The following KALRN variants were observed in gnomAD, a reference collection of about 807,000 sequenced individuals.
KALRN encodes the protein kalirin RhoGEF kinase, also known as kalirin.
A neutral mutation model predicts 353.7 loss-of-function variants in KALRN; 70 were observed. That is an observed-to-expected ratio of 0.20 (90% CI 0.16 to 0.24). The LOEUF (loss-of-function observed/expected upper bound fraction) is 0.24. KALRN is among the 10% of genes least tolerant of loss of function. The pLI, the probability that KALRN is intolerant of heterozygous loss-of-function variation, is 1.00. For synonymous variants in KALRN, 1,391 were observed against 1,434.8 expected (o/e 0.97, Z 0.69); for missense variants, 2,791 against 3,756.7 (o/e 0.74, Z 6.72).
intron 33 of KALRN, among the ~76,000 whole-genome samples, chr3:124,529,030 A>T (rs896298292): frequency 6.6e-6 from 1 of 152,156 alleles, no homozygotes; most frequent in Admixed American, 6.5e-5. Flanking sequence ...TTTTGAACTT[A>T]TATGTACGTG....
intron 1 of KALRN, among the ~76,000 whole-genome samples, chr3:124,074,436 T>C (rs2060169865): frequency 6.6e-6 from 1 of 152,190 alleles, no homozygotes; most frequent in South Asian, 2.1e-4. Flanking sequence ...GTCAGAAGCA[T>C]TTTCTGTGAG....
intron 1 of KALRN, among the ~76,000 whole-genome samples, chr3:124,226,735 T>C (rs1244713763): frequency 6.6e-6 from 1 of 152,192 alleles, no homozygotes; most frequent in Non-Finnish European, 1.5e-5. Context: ...ATGGGTTTCT[T>C]GAAACAGTCA....
At chr3:124,398,299 C>G (rs975339131) in intron 12 of KALRN, among the ~76,000 whole-genome samples, 1 of 152,018 alleles carries the variant, frequency 6.6e-6, no homozygotes, top group African/African-American at 2.4e-5. Flanking sequence ...TTTGTCTGTA[C>G]GTATTGTGAT....
chr3:124,417,870 T>G (rs2092590821), intron 14 of KALRN, among the ~76,000 whole-genome samples: 1 of 152,242 alleles, frequency 6.6e-6, no homozygotes, highest in Non-Finnish European at 1.5e-5. Flanking sequence ...AACTAGTATA[T>G]TTTGTACTCC....
At chr3:124,279,336 C>T (rs2075105904) in intron 5 of KALRN, among the ~76,000 whole-genome samples, 1 of 152,196 alleles carries the variant, frequency 6.6e-6, no homozygotes. Context: ...CATAAATCTA[C>T]CAGTATGGCT....
At chr3:124,602,290 T>C (rs140225444) in intron 34 of KALRN, among the ~76,000 whole-genome samples, 13 of 152,224 alleles carry the variant, frequency 8.5e-5, no homozygotes, top group African/African-American at 2.9e-4. Context: ...CTGAGTTAAG[T>C]GATATGCCCA....
Position 124,632,456 on chromosome 3 carries a change from A to G in KALRN, c.5219A>G (p.Lys1740Arg), listed in dbSNP as rs758846084. The G allele has an allele frequency of 1.2e-6, 2 of 1,613,932 alleles. No homozygotes were observed. Among genetic ancestry groups the G allele is most frequent in the South Asian group, 2.2e-5 (2 of 91,064 alleles). ...YSHSSSENGGKSESVANLQAQ... is the reference protein window; with the variant it reads ...YSHSSSENGGRSESVANLQAQ... The stretch of plus-strand genomic sequence containing the variant: ...CATTCCTCAAGCGAGAATGGAGGCA[A>G]GTCCGAGTCCGTGGCCAACCTGCAG... Residue 1740 changes from lysine (K) to arginine (R), a missense_variant, in exon 35 of 60, where the codon AAG (lysine) becomes AGG (arginine). By Grantham distance (26) the Lys-to-Arg change is conservative. Transcript: ENST00000682506.
At chr3:124,456,120 G>A (rs1040721475) in intron 22 of KALRN, among the ~76,000 whole-genome samples, 3 of 152,184 alleles carry the variant, frequency 2.0e-5, no homozygotes, top group African/African-American at 7.2e-5. Flanking sequence ...CAATGAGAAA[G>A]TTCAGTCATT....
chr3:124,656,856 A>G (rs1350173323), intron 39 of KALRN, among the ~76,000 whole-genome samples: 4 of 152,128 alleles, frequency 2.6e-5, no homozygotes, highest in African/African-American at 7.2e-5. Context: ...TGGAAGAGGT[A>G]CAATAGCTTC....
intron 49 of KALRN, chr3:124,674,823 C>T (rs959532771): frequency 9.2e-6 from 4 of 437,102 alleles, no homozygotes; most frequent in South Asian, 8.2e-5. Context: ...TTGGTGGTGG[C>T]GATGATTTTT....
intron 1 of KALRN, among the ~76,000 whole-genome samples, chr3:124,158,513 TGTG>T (rs1465244840): frequency 6.6e-6 from 1 of 152,218 alleles, no homozygotes; most frequent in African/African-American, 2.4e-5. Flanking sequence ...GAGGCATTCA[TGTG>T]GTGATTTGCA....
chr3:124,197,710 C>A (rs1291340287), intron 1 of KALRN, among the ~76,000 whole-genome samples: 1 of 152,212 alleles, frequency 6.6e-6, no homozygotes, highest in African/African-American at 2.4e-5. Flanking sequence ...AGGGCTTGTC[C>A]TCTGCCCTGA....
intron 33 of KALRN, among the ~76,000 whole-genome samples, chr3:124,562,007 C>G (rs1049679735): frequency 6.6e-6 from 1 of 152,134 alleles, no homozygotes. Context: ...CCTGTCAACC[C>G]CTTTTATTGC....
At chr3:124,363,195 C>T (rs1025130017) in intron 10 of KALRN, among the ~76,000 whole-genome samples, 5 of 152,180 alleles carry the variant, frequency 3.3e-5, no homozygotes, top group African/African-American at 9.7e-5. Context: ...ATGACCTGGA[C>T]TAAGGATAAT....
intron 34 of KALRN, among the ~76,000 whole-genome samples, chr3:124,601,227 A>G (rs2076772138): frequency 6.6e-6 from 1 of 152,228 alleles, no homozygotes; most frequent in South Asian, 2.1e-4. Flanking sequence ...TGTGTGTATC[A>G]CTTAGGGTAG....
chr3:124,229,266 A>G (rs58034667), intron 2 of KALRN, among the ~76,000 whole-genome samples: 2,802 of 152,294 alleles, frequency 0.018, 86 homozygotes, highest in African/African-American at 0.063. Flanking sequence ...GAAGCCAAAG[A>G]CTGGCCAGAG....
intron 15 of KALRN, among the ~76,000 whole-genome samples, chr3:124,428,520 T>G (rs2093129219): frequency 6.6e-6 from 1 of 152,174 alleles, no homozygotes; most frequent in Non-Finnish European, 1.5e-5. Context: ...GATTTCTGAC[T>G]CCAAATTTTA....
At chr3:124,189,529 A>G (rs940060415) in intron 1 of KALRN, among the ~76,000 whole-genome samples, 2 of 152,192 alleles carry the variant, frequency 1.3e-5, no homozygotes, top group African/African-American at 4.8e-5. Flanking sequence ...AGGGCCAAGC[A>G]AGGTGGCTCA....
At chr3:124,492,174 G>A (rs1363637258) in intron 31 of KALRN, among the ~76,000 whole-genome samples, 1 of 152,206 alleles carries the variant, frequency 6.6e-6, no homozygotes, top group East Asian at 1.9e-4. Flanking sequence ...GCTACCTGTT[G>A]TGAGGCAGAA....
Sources: gnomAD v4.1 joint callset for allele counts (sites outside exome capture counted in the v4.1 genomes callset) on GRCh38, gnomAD v4.1.1 for gene constraint, MANE v1.5 for transcripts, NCBI Gene and HGNC (gene_info 2026-07-23, HGNC 2026-07-21) for gene names.